The following NR0B2 variants were observed in gnomAD, a reference collection of about 807,000 sequenced individuals.
The protein encoded by NR0B2 is nuclear receptor subfamily 0 group B member 2.
In NR0B2, 17 loss-of-function variants were observed where a neutral mutation model predicts 18.9. That is an observed-to-expected ratio of 0.90 (90% CI 0.62 to 1.35). NR0B2 has a LOEUF of 1.35. Ranked by LOEUF, NR0B2 falls within the 40% of genes most tolerant of loss-of-function variation. The pLI, the probability that NR0B2 is intolerant of heterozygous loss-of-function variation, is 0.00. For missense variants in NR0B2, 312 were observed against 333.3 expected (o/e 0.94, Z 0.50); for synonymous variants, 116 against 138.5 (o/e 0.84, Z 1.14).
rs956480226 is a variant in NR0B2, at chr1:26,911,922, C to T, written c.697G>A (p.Gly233Arg). The T allele has an allele frequency of 6.2e-7, 1 of 1,614,192 alleles. No individual in the cohort carries two copies. Among genetic ancestry groups the T allele is most frequent in the Non-Finnish European group, 8.5e-7 (1 of 1,180,026 alleles). The change falls in exon 2 of 2, where the codon GGG (glycine) becomes AGG (arginine). Residue 233 changes from glycine to arginine, a missense_variant. Physicochemically the swap from Gly to Arg is moderately radical, Grantham distance 125. Transcript: ENST00000254227. ...ATGATAGGGCGAAAGAAGAGGTCCC[C>T]AAGCAGGCTGGTCGGAATGGACTTG... The part of the protein sequence containing the change: ...TLKSIPTSLL[G>R]DLFFRPIIGD...
In NR0B2 at chr1:26,911,901, T is replaced by C. The variant is rs767676275; in HGVS notation, c.718A>G (p.Ile240Val). Residue 240 changes from isoleucine (I) to valine (V), a missense_variant, in exon 2 of 2, where the codon ATC becomes GTC. Ile to Val is a conservative substitution (Grantham distance 29). Coordinates refer to ENST00000254227, the MANE Select transcript of NR0B2 (RefSeq NM_021969.3). ...CCAGCGATGTCAACATCTCCAATGA[T>C]AGGGCGAAAGAAGAGGTCCCCAAGC... ...SLLGDLFFRP[I>V]IGDVDIAGLL... The C allele has an allele frequency of 1.7e-5, 28 of 1,613,864 alleles. No individual in the cohort carries two copies. Among genetic ancestry groups the C allele is most frequent in the African/African-American group, 2.7e-5 (2 of 74,888 alleles).
rs953374399 is a variant in NR0B2, at chr1:26,911,767, G to T, written c.*78C>A. ...AGGCTTGCCCCCTCCAGGAGCATTG[G>T]GTCACCTCTGGGGATGGCCAGGCTG... On this transcript the variant is annotated 3_prime_UTR_variant, in exon 2 of 2. Transcript: ENST00000254227. 2 of 1,581,442 alleles carry T rather than the reference G, an allele frequency of 1.3e-6. No homozygotes were observed. Among genetic ancestry groups the T allele is most frequent in the East Asian group, 2.2e-5 (1 of 44,638 alleles).
chr1:26,912,066 C>A lies in NR0B2; in HGVS notation c.553G>T (p.Ala185Ser), dbSNP rs199619628. 1 of 1,613,836 alleles carries A rather than the reference C, an allele frequency of 6.2e-7. No individual in the cohort carries two copies. The highest frequency in any genetic ancestry group is 8.5e-7 in the Non-Finnish European group (1 of 1,180,018). Residue 185 changes from alanine to serine, a missense_variant, in exon 2 of 2, where the codon GCC becomes TCC. Transcript: ENST00000254227. ...FNPDVPGLQA[A>S]SHIGHLQQEA... ...TGCTGCAGGTGCCCAATGTGGGAGG[C>A]GGCTTGGAGGCCTGGCACATCTGTG... is the stretch of plus-strand genomic sequence containing the variant.
intron 1 of NR0B2, among the ~76,000 whole-genome samples, chr1:26,912,786 T>C (rs951968013): frequency 1.3e-5 from 2 of 152,174 alleles, no homozygotes; most frequent in Non-Finnish European, 2.9e-5. Context: ...AGGATGTGAC[T>C]GAGACACAGC....
In NR0B2 at chr1:26,913,511, C is replaced by A. The variant is rs771336177; in HGVS notation, c.430G>T (p.Ala144Ser). 1.1e-5 allele frequency: 17 copies of A among 1,613,300 alleles called. No homozygotes were observed. Among genetic ancestry groups the A allele is most frequent in the Non-Finnish European group, 1.3e-5 (15 of 1,179,442 alleles). The change falls in exon 1 of 2, where the codon GCT (alanine) becomes TCT (serine). Residue 144 changes from alanine to serine, a missense_variant. Ala to Ser is a moderately conservative substitution (Grantham distance 99). Coordinates refer to ENST00000254227, the MANE Select transcript of NR0B2 (RefSeq NM_021969.3). ...CAGCATTGAAGCCACTGCACCGCAG[C>A]CAGGGAGGGCTGGGGTCTGTCTGGC... is the stretch of plus-strand genomic sequence containing the variant. ...QLPDRPQPSLAAVQWLQCCLE... is the reference protein window; with the variant it reads ...QLPDRPQPSLSAVQWLQCCLE...
Position 26,911,960 on chromosome 1 carries a change from G to A in NR0B2, c.659C>T (p.Thr220Met), listed in dbSNP as rs201775418. ...CGGAATGGACTTGAGGGTGGAGGCC[G>A]TGAGGAGGACACGGGTCAGGCGGCC... ...AQGRLTRVLL[T>M]ASTLKSIPTS... Residue 220 changes from threonine (T) to methionine (M), a missense_variant, in exon 2 of 2, where the codon ACG becomes ATG. Physicochemically the swap from Thr to Met is moderately conservative, Grantham distance 81. Coordinates refer to ENST00000254227, the MANE Select transcript of NR0B2 (RefSeq NM_021969.3). The A allele has an allele frequency of 7.1e-4, 1,141 of 1,614,240 alleles. 12 individuals are homozygous for A. Among genetic ancestry groups the A allele is most frequent in the Non-Finnish European group, 1.9e-4 (230 of 1,180,046 alleles).
In NR0B2 at chr1:26,911,759, G is replaced by A. The variant is rs2082028104; in HGVS notation, c.*86C>T. ...GTCTATACAGGCTTGCCCCCTCCAGGAGCATTGGGTCACCTCTGGGGATGG... is the reference window on the plus strand; with the variant it reads ...GTCTATACAGGCTTGCCCCCTCCAGAAGCATTGGGTCACCTCTGGGGATGG... On this transcript the variant is annotated 3_prime_UTR_variant, in exon 2 of 2. Coordinates refer to ENST00000254227, the MANE Select transcript of NR0B2 (RefSeq NM_021969.3). 6.5e-7 allele frequency: 1 copy of A among 1,542,498 alleles called. No homozygotes were observed. Among genetic ancestry groups the A allele is most frequent in the South Asian group, 1.1e-5 (1 of 88,708 alleles).
Position 26,911,647 on chromosome 1 carries a change from C to T in NR0B2, c.*198G>A. The T allele has an allele frequency of 1.6e-6, 1 of 640,786 alleles. No individual in the cohort carries two copies. The highest frequency in any genetic ancestry group is 2.8e-6 in the Non-Finnish European group (1 of 360,010). 39.7% of individuals were successfully genotyped at this position (640,786 alleles called of 1,614,324 possible). A position where few individuals can be genotyped will look rare whatever the true frequency, so the allele number is the denominator to read the frequency against. On this transcript the variant is annotated 3_prime_UTR_variant, in exon 2 of 2. Coordinates refer to ENST00000254227, the MANE Select transcript of NR0B2 (RefSeq NM_021969.3). ...GCTGTGGGGACCACCAAAAGCCTCC[C>T]AGGCAGCTGGAACACTGTGTCCAAA... is the stretch of plus-strand genomic sequence containing the variant.
Position 26,913,544 on chromosome 1 carries a change from C to T in NR0B2, c.397G>A (p.Gly133Ser), listed in dbSNP as rs2082041265. ...GGCTGGGGTCTGTCTGGCAGTTGGC[C>T]ACTGCCTCCACTGCTGCTGGGCTCC... ...LEEPSSSGGS[G>S]QLPDRPQPSL... The change falls in exon 1 of 2, where the codon GGC becomes AGC. Residue 133 changes from glycine (G) to serine (S), a missense_variant. Gly to Ser is a moderately conservative substitution (Grantham distance 56). Transcript: ENST00000254227. 3 of 1,613,812 alleles carry T rather than the reference C, an allele frequency of 1.9e-6. No individual in the cohort carries two copies. The highest frequency in any genetic ancestry group is 2.5e-6 in the Non-Finnish European group (3 of 1,179,888).
In NR0B2 at chr1:26,911,671, A is replaced by G. The variant is rs1256396881; in HGVS notation, c.*174T>C. 1 of 767,542 alleles carries G rather than the reference A, an allele frequency of 1.3e-6. No homozygotes were observed. Among genetic ancestry groups the G allele is most frequent in the Admixed American group, 2.1e-5 (1 of 47,072 alleles). 47.5% of individuals were successfully genotyped at this position (767,542 alleles called of 1,614,324 possible). ...CCAGGCAGCTGGAACACTGTGTCCA[A>G]ACCAAGGAAGTCCAATGTGGGGTGT... On this transcript the variant is annotated 3_prime_UTR_variant, in exon 2 of 2. Coordinates refer to ENST00000254227, the MANE Select transcript of NR0B2 (RefSeq NM_021969.3).
chr1:26,912,050 T>A lies in NR0B2; in HGVS notation c.569A>T (p.His190Leu), dbSNP rs529771406. The A allele has an allele frequency of 6.2e-7, 1 of 1,614,002 alleles. No individual in the cohort carries two copies. Among genetic ancestry groups the A allele is most frequent in the Middle Eastern group, 1.7e-4 (1 of 6,012 alleles). The change falls in exon 2 of 2, where the codon CAC (histidine) becomes CTC (leucine). Residue 190 changes from histidine (H) to leucine (L), a missense_variant. Transcript: ENST00000254227. Reference protein sequence around the residue: ...PGLQAASHIGHLQQEAHWVLC... With the variant: ...PGLQAASHIGLLQQEAHWVLC... ...CACCCAGTGAGCCTCCTGCTGCAGG[T>A]GCCCAATGTGGGAGGCGGCTTGGAG...
chr1:26,913,154 C>A (rs780487361), intron 1 of NR0B2, among the ~76,000 whole-genome samples: 6 of 152,146 alleles, frequency 3.9e-5, no homozygotes, highest in Non-Finnish European at 8.8e-5. Context: ...GGAGTGGTGG[C>A]GGCCATCTGT....
rs1047521592 is a variant in NR0B2, at chr1:26,913,401, G to A, written c.532+8C>T. ...TTGCCCCCCACCCAGGAGTGTCTGG[G>A]AGCTCACCGGGGTTGAAGAGGATGG... On this transcript the variant is annotated splice_region_variant and intron_variant, in intron 1 of 1. Transcript: ENST00000254227. The A allele has an allele frequency of 1.2e-6, 2 of 1,613,860 alleles. No individual in the cohort carries two copies. The highest frequency in any genetic ancestry group is 3.3e-5 in the Admixed American group (2 of 60,012).
chr1:26,913,812 C>T lies in NR0B2; in HGVS notation c.129G>A (p.Gln43=), dbSNP rs1021652257. 10 of 1,520,290 alleles carry T rather than the reference C, an allele frequency of 6.6e-6. No homozygotes were observed. In the Middle Eastern group the frequency reaches 5.3e-4, roughly 81 times the overall value. 94.2% of individuals were successfully genotyped at this position (1,520,290 alleles called of 1,614,324 possible). The change falls in exon 1 of 2, where the codon CAG becomes CAA. Residue 43 remains glutamine (Q), a synonymous_variant. Coordinates refer to ENST00000254227, the MANE Select transcript of NR0B2 (RefSeq NM_021969.3). Reference sequence around the variant, plus strand: ...GTGCACATAGCTGGACGGGCCGGTGCTGCCTACATAGGCAGCGGCTACGGG... The same window carrying T: ...GTGCACATAGCTGGACGGGCCGGTGTTGCCTACATAGGCAGCGGCTACGGG... The part of the protein sequence containing the change: ...PRPRSRCLCR[Q]HRPVQLCAPH...
Position 26,911,774 on chromosome 1 carries a change from T to A in NR0B2, c.*71A>T. 1 of 1,604,364 alleles carries A rather than the reference T, an allele frequency of 6.2e-7. No homozygotes were observed. The highest frequency in any genetic ancestry group is 1.1e-5 in the South Asian group (1 of 90,184). On this transcript the variant is annotated 3_prime_UTR_variant, in exon 2 of 2. Coordinates refer to ENST00000254227, the MANE Select transcript of NR0B2 (RefSeq NM_021969.3). ...CCCCCTCCAGGAGCATTGGGTCACC[T>A]CTGGGGATGGCCAGGCTGAATCAGC...
rs781737008 is a variant in NR0B2, at chr1:26,913,502, G to A, written c.439C>T (p.Gln147Ter). The change falls in exon 1 of 2, where the codon CAG (glutamine) becomes TAG (stop). Residue 147 changes from glutamine (Q) to a stop codon, truncating the protein, a stop_gained. Transcript: ENST00000254227. LOFTEE classifies it high-confidence loss of function. ...GACTCCAGACAGCATTGAAGCCACTGCACCGCAGCCAGGGAGGGCTGGGGT... is the reference window on the plus strand; with the variant it reads ...GACTCCAGACAGCATTGAAGCCACTACACCGCAGCCAGGGAGGGCTGGGGT... ...DRPQPSLAAV[Q>*]WLQCCLESFW... 20 of 1,613,548 alleles carry A rather than the reference G, an allele frequency of 1.2e-5. No homozygotes were observed. Among genetic ancestry groups the A allele is most frequent in the Non-Finnish European group, 1.6e-5 (19 of 1,179,528 alleles).
chr1:26,912,217 A>C, intron 1 of NR0B2, 131 bp from the exon 2 acceptor site: 1 of 959,950 alleles, frequency 1.0e-6, no homozygotes, highest in Non-Finnish European at 1.6e-6. Context: ...AGGTCCCACT[A>C]CTACCTCCTC....
Position 26,913,655 on chromosome 1 carries a change from A to C in NR0B2, c.286T>G (p.Phe96Val), listed in dbSNP as rs1442629607. Residue 96 changes from phenylalanine (F) to valine (V), a missense_variant, in exon 1 of 2, where the codon TTC becomes GTC. Coordinates refer to ENST00000254227, the MANE Select transcript of NR0B2 (RefSeq NM_021969.3). ...RLLQGCWGPLFLLGLAQDAVT... is the reference protein window; with the variant it reads ...RLLQGCWGPLVLLGLAQDAVT... ...GCATCTTGGGCCAACCCAAGCAGGA[A>C]GAGGGGGCCCCAGCAACCCTGCAGC... is the stretch of plus-strand genomic sequence containing the variant. 6 of 1,613,802 alleles carry C rather than the reference A, an allele frequency of 3.7e-6. No individual in the cohort carries two copies. The South Asian group carries it at 6.6e-5, about 18-fold the overall frequency.
chr1:26,913,771 C>CG lies in NR0B2; in HGVS notation c.169dup (p.Arg57ProfsTer52). ...CTTGGCCAGAACATCCAAGGCCTCCCGGCAGGTGCGATGAGGTGCACATAG... is the reference window on the plus strand; with the variant it reads ...CTTGGCCAGAACATCCAAGGCCTCCCGGGCAGGTGCGATGAGGTGCACATAG... On this transcript the variant is annotated frameshift_variant, in exon 1 of 2. Transcript: ENST00000254227. LOFTEE classifies it high-confidence loss of function. 1.3e-6 allele frequency: 2 copies of CG among 1,565,936 alleles called. No individual in the cohort carries two copies. The highest frequency in any genetic ancestry group is 4.5e-5 in the East Asian group (2 of 44,290).
Sources: allele counts gnomAD v4.1 joint callset (sites outside exome capture counted in the v4.1 genomes callset), GRCh38; gene constraint gnomAD v4.1.1; transcripts MANE v1.5; gene names NCBI Gene and HGNC (gene_info 2026-07-23, HGNC 2026-07-21).